RGS17: variants seen among roughly 807,000 people sequenced by gnomAD.
RGS17 encodes the protein regulator of G protein signaling 17.
RGS17 carries 12 observed loss-of-function variants against 25.5 expected under a neutral mutation model. The ratio of observed to expected loss-of-function variants is 0.47; its 90% CI spans 0.30 to 0.76. The LOEUF (loss-of-function observed/expected upper bound fraction) is 0.76. Ranked by LOEUF, RGS17 falls within the 30% of genes least tolerant of loss-of-function variation. The pLI is 0.07. For synonymous variants in RGS17, 71 were observed against 76.9 expected (o/e 0.92, Z 0.40); for missense variants, 196 against 242.2 (o/e 0.81, Z 1.27).
intron 1 of RGS17, among the ~76,000 whole-genome samples, chr6:153,056,315 A>C (rs765278068): frequency 2.6e-5 from 4 of 152,196 alleles, no homozygotes; most frequent in Admixed American, 6.5e-5. Context: ...GAAGAAGAGA[A>C]AGATAATCAG....
intron 1 of RGS17, among the ~76,000 whole-genome samples, chr6:153,052,556 T>G (rs1776475945): frequency 6.6e-6 from 1 of 152,004 alleles, no homozygotes; most frequent in South Asian, 2.1e-4. Context: ...TGGTTTTACA[T>G]GTTCATAGCT....
chr6:153,022,738 T>C (rs552036366), intron 4 of RGS17, among the ~76,000 whole-genome samples: 2 of 152,310 alleles, frequency 1.3e-5, no homozygotes, highest in African/African-American at 2.4e-5. Flanking sequence ...CATAAAATTA[T>C]TATACTGATA....
chr6:153,119,034 ATATT>A (rs1203534550), intron 1 of RGS17, among the ~76,000 whole-genome samples: 1 of 152,156 alleles, frequency 6.6e-6, no homozygotes, highest in African/African-American at 2.4e-5. Context: ...GCATGTGTAT[ATATT>A]TAGTTTCCTT....
At chr6:153,097,618 T>C (rs1293090578) in intron 1 of RGS17, among the ~76,000 whole-genome samples, 1 of 151,978 alleles carries the variant, frequency 6.6e-6, no homozygotes, top group Non-Finnish European at 1.5e-5. Flanking sequence ...ATCTCAGTGT[T>C]GTAGACTGAA....
At chr6:153,071,841 C>T (rs1309742028) in intron 1 of RGS17, among the ~76,000 whole-genome samples, 1 of 152,076 alleles carries the variant, frequency 6.6e-6, no homozygotes, top group African/African-American at 2.4e-5. Flanking sequence ...TAAAACTGTA[C>T]CTCTACCTCT....
chr6:153,026,376 G>C (rs924562838), intron 3 of RGS17, 78 bp downstream of exon 3: 40 of 948,726 alleles, frequency 4.2e-5, no homozygotes, highest in Non-Finnish European at 5.8e-5. Flanking sequence ...ATGAAGCAAG[G>C]GGTAATACTG....
intron 1 of RGS17, among the ~76,000 whole-genome samples, chr6:153,053,245 C>T (rs996968700): frequency 6.6e-6 from 1 of 152,086 alleles, no homozygotes; most frequent in African/African-American, 2.4e-5. Context: ...GAGGCAATCA[C>T]AAAACAATGT....
chr6:153,061,366 G>A (rs1317030819), intron 1 of RGS17, among the ~76,000 whole-genome samples: 3 of 152,086 alleles, frequency 2.0e-5, no homozygotes, highest in African/African-American at 4.8e-5. Context: ...GTTTACTTAG[G>A]AAAATACTGA....
At chr6:153,076,580 A>G (rs910717734) in intron 1 of RGS17, among the ~76,000 whole-genome samples, 1 of 152,182 alleles carries the variant, frequency 6.6e-6, no homozygotes, top group Non-Finnish European at 1.5e-5. Flanking sequence ...GGTCTGACAC[A>G]GAAAAATCCT....
chr6:153,025,904 G>A (rs1425525748), intron 3 of RGS17, among the ~76,000 whole-genome samples: 1 of 151,640 alleles, frequency 6.6e-6, no homozygotes, highest in Non-Finnish European at 1.5e-5. Flanking sequence ...AAATGACCAT[G>A]AAGCATCATT....
intron 4 of RGS17, 111 bp from the exon 5 acceptor site, chr6:153,011,873 TACCAAAAGTC>T: frequency 1.4e-6 from 1 of 727,378 alleles, no homozygotes; most frequent in Non-Finnish European, 2.2e-6. Flanking sequence ...CAAATCCAAC[TACCAAAAGTC>T]TTGGGTTCAT....
chr6:153,048,010 T>C (rs1776406355), intron 1 of RGS17, among the ~76,000 whole-genome samples: 1 of 152,204 alleles, frequency 6.6e-6, no homozygotes, highest in Admixed American at 6.6e-5. Context: ...CTCTATCACT[T>C]CTTTGATGAA....
At chr6:153,034,154 A>G (rs1776202287) in intron 2 of RGS17, among the ~76,000 whole-genome samples, 1 of 152,062 alleles carries the variant, frequency 6.6e-6, no homozygotes, top group Admixed American at 6.6e-5. Context: ...TTTCCCTCGC[A>G]TTTTCCAGTT....
chr6:153,005,473 G>C lies in RGS17; in HGVS notation c.*6101C>G, dbSNP rs1402639835. ...TTTAAAAACGCATTACTTTACAGTG[G>C]AGAAATATAATAGATGCTACCTCAG... is the stretch of plus-strand genomic sequence containing the variant. On this transcript the variant is annotated 3_prime_UTR_variant, in exon 5 of 5. Transcript: ENST00000206262. 1 of 152,204 alleles carries C rather than the reference G, an allele frequency of 6.6e-6. No homozygotes were observed. Among genetic ancestry groups the C allele is most frequent in the Non-Finnish European group, 1.5e-5 (1 of 67,998 alleles). 9.4% of individuals were successfully genotyped at this position (152,204 alleles called of 1,614,324 possible).
chr6:153,080,399 C>T (rs116798935), intron 1 of RGS17, among the ~76,000 whole-genome samples: 2,495 of 152,260 alleles, frequency 0.016, 74 homozygotes, highest in African/African-American at 0.056. Flanking sequence ...CGCTACCCTC[C>T]TCTTTTTTTC....
chr6:153,037,719 C>T (rs1022472857), intron 2 of RGS17, among the ~76,000 whole-genome samples: 13 of 152,174 alleles, frequency 8.5e-5, no homozygotes, highest in Non-Finnish European at 1.6e-4. Flanking sequence ...CCACCACACC[C>T]GGCCTATTTT....
At chr6:153,069,156 G>C (rs1351722941) in intron 1 of RGS17, among the ~76,000 whole-genome samples, 1 of 152,096 alleles carries the variant, frequency 6.6e-6, no homozygotes, top group Non-Finnish European at 1.5e-5. Context: ...CTGCACTCCC[G>C]TGTTTGTTGT....
At position 153,010,968 on chromosome 6, in the gene RGS17, A is replaced by G. The variant is rs1779126354; in HGVS notation, c.*606T>C. 2 of 151,816 alleles carry G rather than the reference A, an allele frequency of 1.3e-5. No homozygotes were observed. The highest frequency in any genetic ancestry group is 1.3e-4 in the Admixed American group (2 of 15,170). The allele number at this position is 151,816 out of a possible 1,614,324, so 9.4% of individuals were successfully genotyped here. A position where few individuals can be genotyped will look rare whatever the true frequency, so the allele number is the denominator to read the frequency against. ...CACAGTTTTGGCAGTGAACAACCAG[A>G]GGAATCCCCATTAGGATTTTCCAAC... On this transcript the variant is annotated 3_prime_UTR_variant, in exon 5 of 5. Transcript: ENST00000206262.
chr6:153,013,591 G>A (rs1437525669), intron 4 of RGS17, among the ~76,000 whole-genome samples: 1 of 152,230 alleles, frequency 6.6e-6, no homozygotes, highest in Non-Finnish European at 1.5e-5. Flanking sequence ...CAAAAGCTGG[G>A]CCTCTTTTGA....
Sources: gnomAD v4.1 joint callset for allele counts (sites outside exome capture counted in the v4.1 genomes callset) on GRCh38, gnomAD v4.1.1 for gene constraint, MANE v1.5 for transcripts, NCBI Gene and HGNC (gene_info 2026-07-23, HGNC 2026-07-21) for gene names.